Variants in SHISA9 observed in about 807,000 individuals in gnomAD.
SHISA9 encodes protein shisa-9.
Under a neutral mutation model 38.0 loss-of-function variants are expected in SHISA9, and 13 were observed. That is an observed-to-expected ratio of 0.34 (90% confidence interval 0.22 to 0.54). The LOEUF (loss-of-function observed/expected upper bound fraction) is 0.54, where lower values mean the gene tolerates loss of function less well. Among genes scored for constraint, SHISA9 ranks in the 20% least tolerant of loss-of-function variants. The probability of loss-of-function intolerance (pLI) is 0.91; values close to 1 mark genes in which losing one functional copy is unlikely to be tolerated. For missense variants in SHISA9, 538 were observed against 575.8 expected (o/e 0.93, Z 0.67); for synonymous variants, 275 against 242.0 (o/e 1.14, Z -1.27).
chr16:13,211,382 T>C (rs1388574444), intron 3 of SHISA9, among the ~76,000 whole-genome samples: 2 of 152,100 alleles, frequency 1.3e-5, no homozygotes, highest in African/African-American at 4.8e-5. Flanking sequence ...ATTTGAGGTA[T>C]GCTATACTGG....
At chr16:13,217,115 C>A (rs637707) in intron 4 of SHISA9, among the ~76,000 whole-genome samples, 19,140 of 145,536 alleles carry the variant, frequency 0.13, 1,524 homozygotes, top group East Asian at 0.29. Flanking sequence ...ACTAAAAATA[C>A]AAAAAAAAAA....
the SHISA9 span, among the ~76,000 whole-genome samples, chr16:13,367,437 C>T: frequency 2.4e-4 from 37 of 151,298 alleles, no homozygotes; most frequent in African/African-American, 3.4e-4. Flanking sequence ...AGTGAAAAGA[C>T]GGAAATATTA....
chr16:13,388,954 C>A, the SHISA9 span, among the ~76,000 whole-genome samples: 4 of 152,142 alleles, frequency 2.6e-5, no homozygotes, highest in South Asian at 8.3e-4. Context: ...GGGCTCAGAG[C>A]AAAACTGAGT....
At chr16:12,956,945 A>G (rs1596549265) in intron 2 of SHISA9, among the ~76,000 whole-genome samples, 1 of 152,376 alleles carries the variant, frequency 6.6e-6, no homozygotes, top group East Asian at 1.9e-4. Flanking sequence ...TTTATTAACA[A>G]TAATGTATAT....
At chr16:12,999,089 C>T (rs888736639) in intron 2 of SHISA9, among the ~76,000 whole-genome samples, 1 of 152,198 alleles carries the variant, frequency 6.6e-6, no homozygotes, top group Non-Finnish European at 1.5e-5. Context: ...ACTGAAATCA[C>T]AGCCAGTAGC....
chr16:13,409,149 T>C, the SHISA9 span, among the ~76,000 whole-genome samples: 1 of 152,038 alleles, frequency 6.6e-6, no homozygotes. Flanking sequence ...GGAGTTTGGC[T>C]GGGGGTAGTC....
At chr16:13,562,778 A>G in the SHISA9 span, 21 of 152,312 alleles carry the variant, frequency 1.4e-4, no homozygotes, top group African/African-American at 5.1e-4. Flanking sequence ...TACGGAGAAG[A>G]AAGGCTAAAT....
chr16:13,191,889 T>TA (rs1958964283), intron 2 of SHISA9, among the ~76,000 whole-genome samples: 1 of 152,192 alleles, frequency 6.6e-6, no homozygotes, highest in Non-Finnish European at 1.5e-5. Context: ...AAGACACCAG[T>TA]ACTTGTATGT....
In SHISA9 at chr16:13,069,380, A is replaced by G. The variant is rs977956064; in HGVS notation, c.692-134014A>G. Among the ~76,000 whole-genome samples, 158 of 152,270 alleles carry G rather than the reference A, an allele frequency of 1.0e-3. 2 individuals are homozygous for G. Among genetic ancestry groups the G allele is most frequent in the Non-Finnish European group, 1.8e-3 (120 of 68,016 alleles). On this transcript the variant is annotated intron_variant, in intron 2 of 4. Transcript: ENST00000558583. Reference sequence around the variant, plus strand: ...TATGTGCATGTGTACGTGTGTGTACATGCAATGTGTATGTGTGTACATACA... The same window carrying G: ...TATGTGCATGTGTACGTGTGTGTACGTGCAATGTGTATGTGTGTACATACA...
At chr16:13,060,683 A>G (rs971140763) in intron 2 of SHISA9, among the ~76,000 whole-genome samples, 1 of 151,792 alleles carries the variant, frequency 6.6e-6, no homozygotes, top group African/African-American at 2.4e-5. Context: ...CAGGAAATTA[A>G]AGGTGGAAGC....
Position 13,196,111 on chromosome 16 carries a change from A to T in SHISA9, c.692-7283A>T, listed in dbSNP as rs1386698272. On this transcript the variant is annotated intron_variant, in intron 2 of 4. Coordinates refer to ENST00000558583, the MANE Select transcript of SHISA9 (RefSeq NM_001145204.3). ...TCAAAAAAAAAAAAAAAAAAAAAAA[A>T]AAAAGGCCAGGTGTGGTGGCTCACG... Among the ~76,000 whole-genome samples, 3 of 140,400 alleles carry T rather than the reference A, an allele frequency of 2.1e-5. No individual in the cohort carries two copies. In the Admixed American group the frequency reaches 2.1e-4, roughly 10 times the overall value. The allele number at this position is 140,400 out of a possible 152,430, so 92.1% of individuals were successfully genotyped here. A position where few individuals can be genotyped will look rare whatever the true frequency, so the allele number is the denominator to read the frequency against.
At chr16:13,216,664 A>G (rs2051172335) in intron 4 of SHISA9, among the ~76,000 whole-genome samples, 1 of 152,144 alleles carries the variant, frequency 6.6e-6, no homozygotes, top group Non-Finnish European at 1.5e-5. Flanking sequence ...AGAAGTAGGT[A>G]GAGGTGCAGA....
chr16:13,392,819 G>A, the SHISA9 span, among the ~76,000 whole-genome samples: 1 of 152,188 alleles, frequency 6.6e-6, no homozygotes, highest in African/African-American at 2.4e-5. Context: ...TATAAACCAA[G>A]GAGCACCAAA....
intron 3 of SHISA9, among the ~76,000 whole-genome samples, chr16:13,210,045 G>A (rs909646106): frequency 4.6e-5 from 7 of 152,140 alleles, no homozygotes; most frequent in Non-Finnish European, 2.9e-5. Context: ...AGCTCGCAGT[G>A]AGCCAAGATC....
the SHISA9 span, among the ~76,000 whole-genome samples, chr16:13,291,649 G>C: frequency 6.6e-6 from 1 of 152,160 alleles, no homozygotes; most frequent in African/African-American, 2.4e-5. Context: ...CATGTTTTAA[G>C]TTGATATTTG....
chr16:13,357,726 A>G, the SHISA9 span, among the ~76,000 whole-genome samples: 2 of 151,014 alleles, frequency 1.3e-5, no homozygotes, highest in African/African-American at 4.9e-5. Context: ...GGATAGGTAA[A>G]GGAAAATTAC....
At chr16:13,512,728 C>T in the SHISA9 span, among the ~76,000 whole-genome samples, 198 of 152,112 alleles carry the variant, frequency 1.3e-3, 2 homozygotes, top group African/African-American at 4.6e-3. Flanking sequence ...ATCTGATCTT[C>T]GACAAACCTG....
At chr16:13,022,808 C>T (rs1596592221) in intron 2 of SHISA9, among the ~76,000 whole-genome samples, 1 of 152,152 alleles carries the variant, frequency 6.6e-6, no homozygotes, top group East Asian at 1.9e-4. Flanking sequence ...CACTATGCTG[C>T]CCAGGCTAGT....
chr16:13,504,143 T>C, the SHISA9 span, among the ~76,000 whole-genome samples: 124 of 152,348 alleles, frequency 8.1e-4, no homozygotes, highest in African/African-American at 3.0e-3. Flanking sequence ...GTTAGTTTCC[T>C]GATTTGTAAA....
Sources: allele counts gnomAD v4.1 joint callset (sites outside exome capture counted in the v4.1 genomes callset), GRCh38; gene constraint gnomAD v4.1.1; transcripts MANE v1.5; gene names NCBI Gene and HGNC (gene_info 2026-07-23, HGNC 2026-07-21).